Variants in TMEM132D observed in about 807,000 individuals in gnomAD.
The protein encoded by TMEM132D is transmembrane protein 132D, also known as mature OL transmembrane protein.
In TMEM132D, 21 loss-of-function variants were observed where a neutral mutation model predicts 62.3. That is an observed-to-expected ratio of 0.34 (90% CI 0.24 to 0.49). The LOEUF is 0.49. Among genes scored for constraint, TMEM132D ranks in the 20% least tolerant of loss-of-function variants. The pLI, the probability that TMEM132D is intolerant of heterozygous loss-of-function variation, is 0.99. For synonymous variants in TMEM132D, 621 were observed against 575.6 expected, an observed-to-expected ratio of 1.08 and a Z score of -1.13; for missense variants, 1,346 against 1,402.8, an observed-to-expected ratio of 0.96 and a Z score of 0.65.
intron 2 of TMEM132D, among the ~76,000 whole-genome samples, chr12:129,636,737 T>TGTGTGTGTGAGAGAGA (rs375868329): frequency 0.011 from 1,193 of 113,552 alleles, 17 homozygotes; most frequent in African/African-American, 0.021. Flanking sequence ...TGTGTGTGTG[T>TGTGTGTGTGAGAGAGA]GAGAGAGAGA....
intron 2 of TMEM132D, among the ~76,000 whole-genome samples, chr12:129,640,268 G>A (rs989689556): frequency 2.0e-5 from 3 of 152,110 alleles, no homozygotes; most frequent in Non-Finnish European, 4.4e-5. Flanking sequence ...AGCTCTGAGA[G>A]TTTAGCAGGA....
chr12:129,109,149 A>G (rs1228957184), intron 5 of TMEM132D, among the ~76,000 whole-genome samples: 2 of 152,230 alleles, frequency 1.3e-5, no homozygotes, highest in African/African-American at 2.4e-5. Context: ...GAAGACACCA[A>G]TAGGATGTGT....
chr12:129,435,526 A>G lies in TMEM132D; in HGVS notation c.1115+95533T>C, dbSNP rs56728013. Among the ~76,000 whole-genome samples the G allele has an allele frequency of 9.4e-3, 1,437 of 152,120 alleles. 32 individuals are homozygous for G. Among genetic ancestry groups the G allele is most frequent in the African/African-American group, 0.033 (1,370 of 41,494 alleles). ...ATAATAACCATTCTGGGGTGAGACAATTTCTCATGGTGGTTTTGATTGGCA... is the reference window on the plus strand; with the variant it reads ...ATAATAACCATTCTGGGGTGAGACAGTTTCTCATGGTGGTTTTGATTGGCA... On this transcript the variant is annotated intron_variant, in intron 3 of 8. Coordinates refer to ENST00000422113, the MANE Select transcript of TMEM132D (RefSeq NM_133448.3).
chr12:129,363,754 A>G (rs1050817935), intron 3 of TMEM132D, among the ~76,000 whole-genome samples: 1 of 152,244 alleles, frequency 6.6e-6, no homozygotes, highest in African/African-American at 2.4e-5. Context: ...GTTGAGGTTA[A>G]TAGAATGTCA....
At chr12:129,549,400 T>C (rs1435688082) in intron 2 of TMEM132D, among the ~76,000 whole-genome samples, 3 of 151,976 alleles carry the variant, frequency 2.0e-5, no homozygotes, top group African/African-American at 4.8e-5. Flanking sequence ...TGGTGGGAGA[T>C]AAGTGAATCA....
intron 1 of TMEM132D, among the ~76,000 whole-genome samples, chr12:129,758,867 A>G (rs1298011304): frequency 2.0e-5 from 3 of 152,018 alleles, no homozygotes; most frequent in African/African-American, 7.2e-5. Flanking sequence ...AATTTTATAG[A>G]GGTACAAACT....
At chr12:129,337,556 G>T in intron 4 of TMEM132D, 78 bp downstream of exon 4, 2 of 1,560,652 alleles carry the variant, frequency 1.3e-6, no homozygotes, top group Non-Finnish European at 8.7e-7. Context: ...TCCCCACCCA[G>T]CCTGGGACTC....
chr12:129,573,696 G>A (rs188734215), intron 2 of TMEM132D, among the ~76,000 whole-genome samples: 10 of 151,964 alleles, frequency 6.6e-5, no homozygotes, highest in Admixed American at 1.3e-4. Flanking sequence ...AAAAGCCCAC[G>A]TGTCCACCAA....
chr12:129,342,709 G>C (rs1382115970), intron 3 of TMEM132D, among the ~76,000 whole-genome samples: 1 of 151,928 alleles, frequency 6.6e-6, no homozygotes, highest in Non-Finnish European at 1.5e-5. Flanking sequence ...AATCTACAAA[G>C]AACTCAAACA....
chr12:129,669,924 C>T (rs1198237993), intron 2 of TMEM132D, among the ~76,000 whole-genome samples: 8 of 152,100 alleles, frequency 5.3e-5, no homozygotes, highest in Admixed American at 5.2e-4. Context: ...CTGCAGGAGT[C>T]GCTCAGACAG....
chr12:129,688,012 A>G (rs1283025153), intron 2 of TMEM132D, among the ~76,000 whole-genome samples: 2 of 152,196 alleles, frequency 1.3e-5, no homozygotes, highest in Non-Finnish European at 2.9e-5. Flanking sequence ...TTTGACACAT[A>G]AATGTGTGTG....
intron 4 of TMEM132D, among the ~76,000 whole-genome samples, chr12:129,287,314 A>G (rs1217803659): frequency 1.3e-5 from 2 of 152,218 alleles, no homozygotes; most frequent in Non-Finnish European, 2.9e-5. Context: ...TGATGTAAGC[A>G]CAGAATTGAA....
intron 5 of TMEM132D, among the ~76,000 whole-genome samples, chr12:129,137,802 C>T (rs867059818): frequency 5.3e-5 from 8 of 152,198 alleles, no homozygotes; most frequent in African/African-American, 1.4e-4. Context: ...AAAGATGGTG[C>T]TGCAGAGATT....
intron 1 of TMEM132D, among the ~76,000 whole-genome samples, chr12:129,799,524 A>G (rs1382023415): frequency 6.6e-6 from 1 of 152,020 alleles, no homozygotes; most frequent in African/African-American, 2.4e-5. Flanking sequence ...GAGGTCAGCC[A>G]TCACCTGGAG....
chr12:129,672,565 G>C (rs1880525830), intron 2 of TMEM132D, among the ~76,000 whole-genome samples: 1 of 152,216 alleles, frequency 6.6e-6, no homozygotes, highest in Admixed American at 6.5e-5. Context: ...CTGTACGTTT[G>C]AGGATGAAAG....
chr12:129,658,605 C>T (rs549338062), intron 2 of TMEM132D, among the ~76,000 whole-genome samples: 44 of 152,160 alleles, frequency 2.9e-4, no homozygotes, highest in East Asian at 1.9e-4. Flanking sequence ...AACTGCTTGA[C>T]GAATAGAGTA....
chr12:129,603,622 C>T (rs1465362519), intron 2 of TMEM132D, among the ~76,000 whole-genome samples: 1 of 152,168 alleles, frequency 6.6e-6, no homozygotes, highest in Non-Finnish European at 1.5e-5. Context: ...CAATGAGATA[C>T]TATCTCACAC....
Position 129,231,949 on chromosome 12 carries a change from A to G in TMEM132D, c.1300-22286T>C, listed in dbSNP as rs568547997. Among the ~76,000 whole-genome samples, 48 of 152,242 alleles carry G rather than the reference A, an allele frequency of 3.2e-4. 1 individual carries two copies. In the South Asian group the frequency reaches 9.6e-3, roughly 30 times the overall value. ...TCAATGCCTTGGGCCTGCTTCTTCC[A>G]ATTATATCAGAACCTCTGGGGAGTG... is the stretch of plus-strand genomic sequence containing the variant. On this transcript the variant is annotated intron_variant, in intron 4 of 8. Transcript: ENST00000422113.
intron 3 of TMEM132D, among the ~76,000 whole-genome samples, chr12:129,408,340 T>C (rs1294745940): frequency 6.6e-6 from 1 of 152,232 alleles, no homozygotes; most frequent in East Asian, 1.9e-4. Context: ...CTAGAATTTT[T>C]TAAAATTATA....
Sources: allele counts gnomAD v4.1 joint callset (sites outside exome capture counted in the v4.1 genomes callset), GRCh38; gene constraint gnomAD v4.1.1; transcripts MANE v1.5; gene names NCBI Gene and HGNC (gene_info 2026-07-23, HGNC 2026-07-21).